The following COLEC12 variants were observed in gnomAD, a reference collection of about 807,000 sequenced individuals.
The protein encoded by COLEC12 is collectin subfamily member 12, also known as collectin-12.
In COLEC12, 33 loss-of-function variants were observed where a neutral mutation model predicts 71.1. The observed-to-expected ratio is 0.46, with a 90% CI of 0.35 to 0.62. The LOEUF (loss-of-function observed/expected upper bound fraction) is 0.62. COLEC12 is among the 20% of genes least tolerant of loss of function. COLEC12 has a pLI of 0.00. For missense variants in COLEC12, 765 were observed against 916.1 expected, an observed-to-expected ratio of 0.84 and a Z score of 2.13; for synonymous variants, 350 against 353.0, an observed-to-expected ratio of 0.99 and a Z score of 0.10.
At chr18:471,313 G>A (rs140431497) in intron 2 of COLEC12, among the ~76,000 whole-genome samples, 4,542 of 151,828 alleles carry the variant, frequency 0.03, 144 homozygotes, top group Non-Finnish European at 0.039. Flanking sequence ...TATTCACTAA[G>A]ATTTGGAACT....
intron 2 of COLEC12, among the ~76,000 whole-genome samples, chr18:359,510 C>G (rs897356388): frequency 5.3e-5 from 8 of 152,244 alleles, no homozygotes; most frequent in African/African-American, 1.9e-4. Flanking sequence ...AAACCAGACA[C>G]TTTTGATGAG....
intron 1 of COLEC12, among the ~76,000 whole-genome samples, chr18:498,659 G>A (rs752836634): frequency 1.3e-5 from 2 of 152,080 alleles, no homozygotes; most frequent in African/African-American, 4.8e-5. Context: ...ACCGCGCCCC[G>A]CTGGAATATT....
chr18:329,788 G>A (rs372669444), intron 8 of COLEC12, among the ~76,000 whole-genome samples: 15 of 152,202 alleles, frequency 9.9e-5, no homozygotes, highest in Admixed American at 5.9e-4. Context: ...TTTATAAAGA[G>A]CTGGCCTGGC....
chr18:380,195 T>G (rs1018727942), intron 2 of COLEC12, among the ~76,000 whole-genome samples: 2 of 152,202 alleles, frequency 1.3e-5, no homozygotes, highest in Non-Finnish European at 2.9e-5. Flanking sequence ...TAGCTTACTC[T>G]TTACCGTCAT....
Position 346,455 on chromosome 18 carries a change from C to T in COLEC12, c.1167G>A (p.Leu389=). 6.2e-7 allele frequency: 1 copy of T among 1,614,114 alleles called. No homozygotes were observed. Among genetic ancestry groups the T allele is most frequent in the East Asian group, 2.2e-5 (1 of 44,870 alleles). The change falls in exon 5 of 10, where the codon CTG becomes CTA. Residue 389 remains leucine (L), a synonymous_variant. Transcript: ENST00000400256. The surrounding 1 kb of genome is among the most constrained non-coding windows in gnomAD (Gnocchi z 4.0). ...TDDLTSLNNT[L]ANIRLDSVSL... The stretch of plus-strand genomic sequence containing the variant: ...AAACAGAATCCAAACGGATGTTGGC[C>T]AGGGTATTATTCAAGGAGGTCAGAT...
At chr18:495,036 A>G (rs1315234542) in intron 1 of COLEC12, among the ~76,000 whole-genome samples, 2 of 152,212 alleles carry the variant, frequency 1.3e-5, no homozygotes, top group East Asian at 3.8e-4. Context: ...GAGAGCTCCT[A>G]GGATCTCTTT....
chr18:445,417 T>C (rs1259169125), intron 2 of COLEC12, among the ~76,000 whole-genome samples: 3 of 152,214 alleles, frequency 2.0e-5, no homozygotes, highest in South Asian at 4.1e-4. Context: ...GGGGCAGATC[T>C]GACGGTTATC....
chr18:342,984 T>C (rs1323532171), intron 5 of COLEC12, among the ~76,000 whole-genome samples: 1 of 152,194 alleles, frequency 6.6e-6, no homozygotes, highest in African/African-American at 2.4e-5. Context: ...CCCCAGTCTG[T>C]ATCACCATCC....
chr18:413,738 A>C (rs1351786858), intron 2 of COLEC12, among the ~76,000 whole-genome samples: 2 of 152,368 alleles, frequency 1.3e-5, no homozygotes, highest in South Asian at 4.1e-4. Flanking sequence ...GAAATAATTC[A>C]GATGTCCTTA....
chr18:333,161 G>A lies in COLEC12; in HGVS notation c.1817-18C>T. 1.9e-6 allele frequency: 3 copies of A among 1,577,708 alleles called. No individual in the cohort carries two copies. Among genetic ancestry groups the A allele is most frequent in the Non-Finnish European group, 2.6e-6 (3 of 1,165,462 alleles). Reference sequence around the variant, plus strand: ...CGGGCAGCCTAGGAATGCAAAAGTGGAAAACATTGATTAAAAGATCACAGA... The same window carrying A: ...CGGGCAGCCTAGGAATGCAAAAGTGAAAAACATTGATTAAAAGATCACAGA... On this transcript the variant is annotated intron_variant, in intron 6 of 9. Coordinates refer to ENST00000400256, the MANE Select transcript of COLEC12 (RefSeq NM_130386.3).
intron 2 of COLEC12, among the ~76,000 whole-genome samples, chr18:454,772 G>A (rs536593378): frequency 7.9e-5 from 12 of 152,250 alleles, no homozygotes; most frequent in African/African-American, 1.2e-4. Flanking sequence ...TTTGAATGAC[G>A]GTTTTCGATT....
chr18:477,500 G>A, intron 2 of COLEC12, among the ~76,000 whole-genome samples: 1 of 147,944 alleles, frequency 6.8e-6, no homozygotes, highest in East Asian at 1.9e-4. Context: ...ACTATAAAAG[G>A]CTACAATGTT....
rs116347963 is a variant in COLEC12, at chr18:387,802, C to T, written c.59-30280G>A. On this transcript the variant is annotated intron_variant, in intron 2 of 9. Transcript: ENST00000400256. Reference sequence around the variant, plus strand: ...TATAACCCAGTGTGTAATTTTAAGACGCTTCACTAGCTTGTGGGGCTTATC... The same window carrying T: ...TATAACCCAGTGTGTAATTTTAAGATGCTTCACTAGCTTGTGGGGCTTATC... 1.0e-3 allele frequency among the ~76,000 whole-genome samples: 158 copies of T among 152,250 alleles called. 1 individual carries two copies. Among genetic ancestry groups the T allele is most frequent in the African/African-American group, 3.6e-3 (149 of 41,528 alleles).
chr18:345,183 C>T (rs1229286770), intron 5 of COLEC12, among the ~76,000 whole-genome samples: 1 of 152,130 alleles, frequency 6.6e-6, no homozygotes, highest in Non-Finnish European at 1.5e-5. Flanking sequence ...ATTTGTATAC[C>T]CCAGACTGCT....
intron 2 of COLEC12, among the ~76,000 whole-genome samples, chr18:420,939 A>G (rs1405918057): frequency 6.6e-6 from 1 of 152,090 alleles, no homozygotes; most frequent in Non-Finnish European, 1.5e-5. Context: ...TAATCATCCC[A>G]GGGCCAGGTA....
At chr18:341,124 GTCAA>G (rs1914242902) in intron 5 of COLEC12, among the ~76,000 whole-genome samples, 1 of 152,184 alleles carries the variant, frequency 6.6e-6, no homozygotes, top group Non-Finnish European at 1.5e-5. Flanking sequence ...CAGCTGAAAT[GTCAA>G]TCCCTATTGA....
At position 483,459 on chromosome 18, in the gene COLEC12, G is replaced by C. The variant is rs574098899; in HGVS notation, c.8-2702C>G. Among the ~76,000 whole-genome samples the C allele has an allele frequency of 7.2e-5, 11 of 151,820 alleles. No homozygotes were observed. In the South Asian group the frequency reaches 2.1e-3, roughly 29 times the overall value. ...GGTTATTTCTAACAGAAAACAGAGA[G>C]GTGTGATATCTTTGTATTTCACCAT... is the stretch of plus-strand genomic sequence containing the variant. On this transcript the variant is annotated intron_variant, in intron 1 of 9. Coordinates refer to ENST00000400256, the MANE Select transcript of COLEC12 (RefSeq NM_130386.3).
chr18:471,865 G>C (rs1394483154), intron 2 of COLEC12, among the ~76,000 whole-genome samples: 1 of 151,936 alleles, frequency 6.6e-6, no homozygotes, highest in East Asian at 1.9e-4. Flanking sequence ...AACTAATTTC[G>C]AAAAGGACTT....
intron 2 of COLEC12, among the ~76,000 whole-genome samples, chr18:470,317 C>T (rs765745767): frequency 3.4e-5 from 5 of 148,968 alleles, no homozygotes; most frequent in Non-Finnish European, 5.9e-5. Context: ...CTGCAACCTC[C>T]GTCTCCCAGG....
Sources: allele counts gnomAD v4.1 joint callset (sites outside exome capture counted in the v4.1 genomes callset), GRCh38; gene constraint gnomAD v4.1.1; non-coding constraint Gnocchi (gnomAD v3.1); transcripts MANE v1.5; gene names NCBI Gene and HGNC (gene_info 2026-07-23, HGNC 2026-07-21).